The following GPHN variants were observed in gnomAD, a reference collection of about 807,000 sequenced individuals.
GPHN encodes the protein gephyrin.
In GPHN, 17 loss-of-function variants were observed where a neutral mutation model predicts 95.5. The ratio of observed to expected loss-of-function variants is 0.18; its 90% CI spans 0.12 to 0.27. The LOEUF (loss-of-function observed/expected upper bound fraction) is 0.27, where lower values mean the gene tolerates loss of function less well. Ranked by LOEUF, GPHN falls within the 10% of genes least tolerant of loss-of-function variation. The pLI is 1.00. For missense variants in GPHN, 660 were observed against 978.1 expected (o/e 0.67, Z 4.34); for synonymous variants, 320 against 322.5 (o/e 0.99, Z 0.08).
chr14:67,417,725 TG>T, the GPHN span, among the ~76,000 whole-genome samples: 1 of 151,290 alleles, frequency 6.6e-6, no homozygotes, highest in African/African-American at 2.4e-5. Flanking sequence ...GCCACATTTT[TG>T]TTTTGTTTGG....
At chr14:67,385,998 C>T in the GPHN span, 1 of 152,156 alleles carries the variant, frequency 6.6e-6, no homozygotes, top group African/African-American at 2.4e-5. Flanking sequence ...GACTTGTTCA[C>T]TGATTTGCCC....
chr14:67,045,463 G>A (rs61990904), intron 10 of GPHN, among the ~76,000 whole-genome samples: 1 of 142,666 alleles, frequency 7.0e-6, no homozygotes, highest in Admixed American at 7.0e-5. Context: ...GTCTCTCTCT[G>A]TCTCTGTTTC....
chr14:67,208,271 T>C, the GPHN span: 10 of 1,613,884 alleles, frequency 6.2e-6, no homozygotes, highest in Non-Finnish European at 8.5e-6. Context: ...GTTGAAAGAA[T>C]CCTCAAAACA....
chr14:66,736,402 C>CTT (rs33964494), intron 2 of GPHN, among the ~76,000 whole-genome samples: 2 of 128,890 alleles, frequency 1.6e-5, no homozygotes, highest in Non-Finnish European at 3.3e-5. Flanking sequence ...TTTTTTTTTT[C>CTT]TTTTTTTTTT....
the GPHN span, chr14:67,301,516 A>AT: frequency 2.9e-6 from 4 of 1,377,422 alleles, no homozygotes; most frequent in South Asian, 1.3e-5. Context: ...GCATTCTTCT[A>AT]TTTTTTTAAA....
At chr14:67,675,232 G>C in the GPHN span, among the ~76,000 whole-genome samples, 2 of 152,204 alleles carry the variant, frequency 1.3e-5, no homozygotes, top group Non-Finnish European at 2.9e-5. Flanking sequence ...AACCCGGCCG[G>C]GCGAGTGGCT....
At chr14:67,184,287 CAAT>C (rs1054112723), downstream of GPHN, among the ~76,000 whole-genome samples, 2 of 152,034 alleles carry the variant, frequency 1.3e-5, no homozygotes, top group African/African-American at 4.8e-5. Flanking sequence ...ATTCTAGAGA[CAAT>C]AAAACCATTA....
intron 1 of GPHN, among the ~76,000 whole-genome samples, chr14:66,642,285 C>T (rs1170816549): frequency 1.3e-5 from 2 of 152,116 alleles, no homozygotes; most frequent in African/African-American, 4.8e-5. Flanking sequence ...GAAGTTTTTC[C>T]AGCTGAAAGC....
intron 16 of GPHN, among the ~76,000 whole-genome samples, chr14:67,122,005 G>A (rs2079035476): frequency 6.6e-6 from 1 of 152,110 alleles, no homozygotes; most frequent in Non-Finnish European, 1.5e-5. Context: ...GCCCAACCTG[G>A]TGGGATATTT....
chr14:67,113,120 G>T lies in GPHN; in HGVS notation c.1575G>T (p.Glu525Asp), dbSNP rs2078472198. Residue 525 changes from glutamate (E) to aspartate (D), a missense_variant, in exon 16 of 23, where the codon GAG becomes GAT. By Grantham distance (45) the Glu-to-Asp change is conservative (BLOSUM62 2). Coordinates refer to ENST00000478722, the MANE Select transcript of GPHN (RefSeq NM_020806.5). ...TTCTGGCAACTGTAGGTGTCACAGA[G>T]GTTGAAGTTAATAAGTTTCCAGTGG... ...IGLLATVGVT[E>D]VEVNKFPVVA... 8.7e-6 allele frequency: 14 copies of T among 1,613,856 alleles called. No homozygotes were observed. The highest frequency in any genetic ancestry group is 1.2e-5 in the Non-Finnish European group (14 of 1,179,864).
intron 9 of GPHN, among the ~76,000 whole-genome samples, chr14:66,993,044 G>C (rs929263019): frequency 6.6e-6 from 1 of 152,102 alleles, no homozygotes; most frequent in African/African-American, 2.4e-5. Context: ...GTTGACGTAG[G>C]AATGGTTATA....
chr14:67,453,528 G>C, the GPHN span, among the ~76,000 whole-genome samples: 1 of 152,198 alleles, frequency 6.6e-6, no homozygotes, highest in South Asian at 2.1e-4. Flanking sequence ...CTGCCCATCA[G>C]GGATGTATAA....
chr14:66,636,002 G>T lies in GPHN; in HGVS notation c.65-45105G>T, dbSNP rs550590994. Among the ~76,000 whole-genome samples the T allele has an allele frequency of 3.6e-4, 54 of 151,948 alleles. 1 individual carries two copies. Among genetic ancestry groups the T allele is most frequent in the Non-Finnish European group, 2.4e-4 (16 of 67,976 alleles). On this transcript the variant is annotated intron_variant, in intron 1 of 22. Coordinates refer to ENST00000478722, the MANE Select transcript of GPHN (RefSeq NM_020806.5). ...AGAAAAAAAAAGAAAAAGAAAAAGT[G>T]ATTTTAGATCTTTTCAAAGATTTGT...
intron 18 of GPHN, among the ~76,000 whole-genome samples, chr14:67,149,703 C>A (rs2081136508): frequency 1.3e-5 from 2 of 152,132 alleles, no homozygotes; most frequent in South Asian, 4.1e-4. Flanking sequence ...ATATCTGTGT[C>A]ATAGAGAAAA....
At chr14:66,646,685 C>T (rs1286178235) in intron 1 of GPHN, among the ~76,000 whole-genome samples, 2 of 151,950 alleles carry the variant, frequency 1.3e-5, no homozygotes, top group African/African-American at 4.8e-5. Flanking sequence ...TTGTCAAATT[C>T]ATAAAAACAG....
At position 67,105,669 on chromosome 14, in the gene GPHN, C is replaced by A. The variant is rs184309027; in HGVS notation, c.1294-4471C>A. Among the ~76,000 whole-genome samples the A allele has an allele frequency of 6.0e-4, 92 of 152,210 alleles. 7 individuals carry two copies. In the East Asian group the frequency reaches 8.3e-3, roughly 14 times the overall value. On this transcript the variant is annotated intron_variant, in intron 13 of 22. Transcript: ENST00000478722. ...GGCTACTTTTACCTGATTTTGGTTT[C>A]CATTTGCATCAAATATCTTGATTCA...
chr14:67,319,146 G>A, the GPHN span, among the ~76,000 whole-genome samples: 1 of 152,132 alleles, frequency 6.6e-6, no homozygotes, highest in Non-Finnish European at 1.5e-5. Context: ...ATTTAAACAA[G>A]TGTAGTTTGA....
At chr14:67,580,937 G>A in the GPHN span, 1 of 1,606,176 alleles carries the variant, frequency 6.2e-7, no homozygotes, top group South Asian at 1.1e-5. Context: ...GCCTTTTCAA[G>A]ATCTGTGATG....
At chr14:67,044,667 G>A (rs2074900835) in intron 10 of GPHN, among the ~76,000 whole-genome samples, 1 of 152,022 alleles carries the variant, frequency 6.6e-6, no homozygotes, top group Non-Finnish European at 1.5e-5. Flanking sequence ...TGTTTTAAAA[G>A]CATACCCCAG....
Sources: allele counts gnomAD v4.1 joint callset (sites outside exome capture counted in the v4.1 genomes callset), GRCh38; gene constraint gnomAD v4.1.1; transcripts MANE v1.5; gene names NCBI Gene and HGNC (gene_info 2026-07-23, HGNC 2026-07-21).